The following CERKL variants were observed in gnomAD, a reference collection of about 807,000 sequenced individuals.
CERKL encodes CERK like autophagy regulator, also known as ceramide kinase-like protein.
A neutral mutation model predicts 63.4 loss-of-function variants in CERKL; 61 were observed. The observed-to-expected ratio is 0.96, with a 90% confidence interval of 0.78 to 1.19. The LOEUF is 1.19. Among genes scored for constraint, CERKL ranks in the 50% most tolerant of loss-of-function variants. CERKL has a pLI of 0.00. For synonymous variants in CERKL, 250 were observed against 230.5 expected, an observed-to-expected ratio of 1.08 and a Z score of -0.77; for missense variants, 675 against 655.5, an observed-to-expected ratio of 1.03 and a Z score of -0.33.
At chr2:181,618,268 T>A (rs76204580) in intron 1 of CERKL, among the ~76,000 whole-genome samples, 2,485 of 19,684 alleles carry the variant, frequency 0.13, 34 homozygotes, top group East Asian at 0.48. Flanking sequence ...TACACAATAT[T>A]TTTTTTTTTT....
intron 2 of CERKL, among the ~76,000 whole-genome samples, chr2:181,579,907 T>C (rs562949180): frequency 4.6e-5 from 7 of 152,006 alleles, no homozygotes; most frequent in Admixed American, 2.0e-4. Flanking sequence ...TGTTTGGATC[T>C]CTTTCTGCAC....
rs1685121742 is a variant in CERKL, at chr2:181,594,550, A to G, written c.481+9287T>C. Among the ~76,000 whole-genome samples, 2 of 152,212 alleles carry G rather than the reference A, an allele frequency of 1.3e-5. 1 individual carries two copies. Among genetic ancestry groups the G allele is most frequent in the South Asian group, 4.1e-4 (2 of 4,828 alleles). ...AAAAGAGAACACAGCTTGGCATCAG[A>G]TGCTATGAAGGGCCCAGGAACCTGA... On this transcript the variant is annotated intron_variant, in intron 2 of 12. Coordinates refer to ENST00000410087, the MANE Select transcript of CERKL (RefSeq NM_201548.5).
At chr2:181,568,557 G>A (rs1688760125) in intron 3 of CERKL, among the ~76,000 whole-genome samples, 1 of 151,970 alleles carries the variant, frequency 6.6e-6, no homozygotes, top group Non-Finnish European at 1.5e-5. Flanking sequence ...TCTTTCATGT[G>A]TAGACAAGTT....
intron 1 of CERKL, among the ~76,000 whole-genome samples, chr2:181,648,886 GCC>G (rs1387105297): frequency 6.6e-6 from 1 of 152,094 alleles, no homozygotes; most frequent in Non-Finnish European, 1.5e-5. Flanking sequence ...TTTTATGTTA[GCC>G]CCATGGTACC....
chr2:181,641,380 G>A (rs1445695236), intron 1 of CERKL, among the ~76,000 whole-genome samples: 1 of 133,710 alleles, frequency 7.5e-6, no homozygotes, highest in African/African-American at 2.7e-5. Flanking sequence ...CCTGAGATGG[G>A]GTCTTGCTAT....
intron 2 of CERKL, among the ~76,000 whole-genome samples, chr2:181,578,117 C>T (rs1024504789): frequency 2.0e-5 from 3 of 152,090 alleles, no homozygotes; most frequent in African/African-American, 7.2e-5. Flanking sequence ...ATCTAGTTTC[C>T]TTCTTGCACA....
chr2:181,608,019 GTCT>G (rs528702145), intron 1 of CERKL, among the ~76,000 whole-genome samples: 235 of 152,232 alleles, frequency 1.5e-3, no homozygotes, highest in Middle Eastern at 6.8e-3. Flanking sequence ...AAGACACAGA[GTCT>G]TCTTATGTTT....
At chr2:181,604,496 A>T (rs1404198527) in intron 1 of CERKL, among the ~76,000 whole-genome samples, 1 of 152,208 alleles carries the variant, frequency 6.6e-6, no homozygotes, top group Admixed American at 6.5e-5. Flanking sequence ...GAATTAGATT[A>T]AAAATAGAAT....
At chr2:181,596,845 C>A (rs1372313993) in intron 2 of CERKL, among the ~76,000 whole-genome samples, 2 of 152,136 alleles carry the variant, frequency 1.3e-5, no homozygotes, top group Admixed American at 6.5e-5. Context: ...CCCACTGAGA[C>A]TTATTTTATC....
intron 11 of CERKL, among the ~76,000 whole-genome samples, chr2:181,544,087 G>A (rs899872780): frequency 6.6e-6 from 1 of 151,710 alleles, no homozygotes; most frequent in Non-Finnish European, 1.5e-5. Context: ...AATTCACATA[G>A]TTCAAGGATC....
At chr2:181,573,512 C>G (rs1395313577) in intron 3 of CERKL, among the ~76,000 whole-genome samples, 1 of 151,938 alleles carries the variant, frequency 6.6e-6, no homozygotes, top group Admixed American at 6.6e-5. Flanking sequence ...TTATATCTAA[C>G]AATTGTTTAA....
chr2:181,637,697 T>C (rs1343136201), intron 1 of CERKL, among the ~76,000 whole-genome samples: 3 of 152,182 alleles, frequency 2.0e-5, no homozygotes, highest in African/African-American at 4.8e-5. Flanking sequence ...GAATATAGTT[T>C]GTTTAGTAGA....
rs752738000 is a variant in CERKL, at chr2:181,537,387, G to C, written c.*797C>G. On this transcript the variant is annotated 3_prime_UTR_variant, in exon 13 of 13. Coordinates refer to ENST00000410087, the MANE Select transcript of CERKL (RefSeq NM_201548.5). ...GGGAACACAATTACATATTGGGCTAGATTTTGCCCAGTTCAAAATAGTATT... is the reference window on the plus strand; with the variant it reads ...GGGAACACAATTACATATTGGGCTACATTTTGCCCAGTTCAAAATAGTATT... The C allele has an allele frequency of 2.2e-6, 1 of 452,982 alleles. No homozygotes were observed. Among genetic ancestry groups the C allele is most frequent in the South Asian group, 1.6e-5 (1 of 64,420 alleles). The allele number at this position is 452,982 out of a possible 1,614,324, so 28.1% of individuals were successfully genotyped here.
Position 181,571,377 on chromosome 2 carries a change from A to C in CERKL, c.613+2376T>G, listed in dbSNP as rs10427407. On this transcript the variant is annotated intron_variant, in intron 3 of 12. Coordinates refer to ENST00000410087, the MANE Select transcript of CERKL (RefSeq NM_201548.5). ...GGTACTTAGTAATATTTACAAATTT[A>C]GAGAAAAAAATCCTAGAACATAATA... Among the ~76,000 whole-genome samples, 1,460 of 152,276 alleles carry C rather than the reference A, an allele frequency of 9.6e-3. 25 individuals are homozygous for C. The highest frequency in any genetic ancestry group is 0.033 in the African/African-American group (1,375 of 41,560).
At chr2:181,570,333 T>C (rs1446242465) in intron 3 of CERKL, among the ~76,000 whole-genome samples, 3 of 152,188 alleles carry the variant, frequency 2.0e-5, no homozygotes, top group Non-Finnish European at 4.4e-5. Context: ...AAAGTTCTTT[T>C]CAGTCTGATT....
At chr2:181,600,388 G>A (rs940989531) in intron 2 of CERKL, among the ~76,000 whole-genome samples, 1 of 152,052 alleles carries the variant, frequency 6.6e-6, no homozygotes, top group African/African-American at 2.4e-5. Context: ...AACATAAATG[G>A]CCTAAATGCT....
intron 5 of CERKL, among the ~76,000 whole-genome samples, chr2:181,557,815 T>TCAAA (rs1415060570): frequency 6.6e-6 from 1 of 152,178 alleles, no homozygotes; most frequent in African/African-American, 2.4e-5. Flanking sequence ...TCACTATTCC[T>TCAAA]CAAACACTCC....
chr2:181,654,148 T>C (rs1006471475), intron 1 of CERKL, among the ~76,000 whole-genome samples: 4 of 151,388 alleles, frequency 2.6e-5, no homozygotes, highest in Admixed American at 2.0e-4. Context: ...ACATTTAAAA[T>C]ATTTCTCTAC....
chr2:181,564,384 A>G (rs570394164), intron 4 of CERKL, among the ~76,000 whole-genome samples: 1 of 152,308 alleles, frequency 6.6e-6, no homozygotes, highest in South Asian at 2.1e-4. Flanking sequence ...AAACACTTAC[A>G]TAACTCAATT....
Sources: allele counts gnomAD v4.1 joint callset (sites outside exome capture counted in the v4.1 genomes callset), GRCh38; gene constraint gnomAD v4.1.1; transcripts MANE v1.5; gene names NCBI Gene and HGNC (gene_info 2026-07-23, HGNC 2026-07-21).